ITGA9: variants seen among roughly 807,000 people sequenced by gnomAD.
ITGA9 encodes the protein integrin alpha-9.
In ITGA9, 56 loss-of-function variants were observed where a neutral mutation model predicts 127.8. That is an observed-to-expected ratio of 0.44 (90% CI 0.35 to 0.55). The LOEUF is 0.55. ITGA9 is among the 20% of genes least tolerant of loss of function. The pLI is 0.00. For missense variants in ITGA9, 1,196 were observed against 1,347.1 expected (o/e 0.89, Z 1.76); for synonymous variants, 508 against 514.5 (o/e 0.99, Z 0.17).
At chr3:37,678,307 C>T (rs1700702481) in intron 17 of ITGA9, among the ~76,000 whole-genome samples, 1 of 152,206 alleles carries the variant, frequency 6.6e-6, no homozygotes, top group Non-Finnish European at 1.5e-5. Flanking sequence ...ACAAGGGTTT[C>T]AATTTCTCCA....
chr3:37,789,605 CAA>C (rs71288090), intron 26 of ITGA9, among the ~76,000 whole-genome samples: 2 of 140,692 alleles, frequency 1.4e-5, no homozygotes, highest in Non-Finnish European at 3.1e-5. Flanking sequence ...TAAAAAATAC[CAA>C]AAAAAAAAAA....
chr3:37,783,646 T>C (rs1445814309), intron 25 of ITGA9, among the ~76,000 whole-genome samples: 1 of 152,174 alleles, frequency 6.6e-6, no homozygotes, highest in Non-Finnish European at 1.5e-5. Context: ...CCAAGATTAT[T>C]ATTATTATTC....
intron 18 of ITGA9, among the ~76,000 whole-genome samples, chr3:37,712,257 C>G (rs761130043): frequency 3.9e-5 from 6 of 152,186 alleles, no homozygotes; most frequent in Non-Finnish European, 8.8e-5. Flanking sequence ...ACAGAGGGTC[C>G]CACCTCAGTG....
intron 11 of ITGA9, among the ~76,000 whole-genome samples, chr3:37,519,812 C>T (rs574903959): frequency 5.9e-5 from 9 of 152,362 alleles, no homozygotes; most frequent in Admixed American, 1.3e-4. Flanking sequence ...TCTGCGCTTG[C>T]GCCCTATACT....
At chr3:37,552,436 A>G (rs1233308815) in intron 15 of ITGA9, among the ~76,000 whole-genome samples, 1 of 145,584 alleles carries the variant, frequency 6.9e-6, no homozygotes, top group South Asian at 2.1e-4. Flanking sequence ...TGTTAGAGAA[A>G]ATCATTATTT....
chr3:37,706,176 CAT>C (rs372246535), intron 18 of ITGA9, among the ~76,000 whole-genome samples: 24 of 152,320 alleles, frequency 1.6e-4, no homozygotes, highest in Admixed American at 1.1e-3. Context: ...CCCCTGCACA[CAT>C]GAGTCAGCTC....
chr3:37,454,708 T>A (rs925980255), intron 1 of ITGA9, among the ~76,000 whole-genome samples: 1 of 152,214 alleles, frequency 6.6e-6, no homozygotes, highest in Non-Finnish European at 1.5e-5. Flanking sequence ...CCCACCATAT[T>A]GACTTAATTT....
chr3:37,495,749 G>A (rs1698721430), intron 5 of ITGA9, among the ~76,000 whole-genome samples: 1 of 152,188 alleles, frequency 6.6e-6, no homozygotes, highest in African/African-American at 2.4e-5. Context: ...GTGTGATTCA[G>A]TGGCATTAGT....
At chr3:37,546,053 TTTCTC>T (rs1699323373) in intron 15 of ITGA9, among the ~76,000 whole-genome samples, 1 of 152,230 alleles carries the variant, frequency 6.6e-6, no homozygotes, top group African/African-American at 2.4e-5. Flanking sequence ...CTTTCATATT[TTTCTC>T]TTTAAATCAG....
chr3:37,492,885 T>C (rs1409390305), intron 4 of ITGA9, among the ~76,000 whole-genome samples: 1 of 152,254 alleles, frequency 6.6e-6, no homozygotes, highest in Non-Finnish European at 1.5e-5. Context: ...TGCTATTTGA[T>C]GCAGGATTTA....
At chr3:37,648,243 T>C (rs879035546) in intron 16 of ITGA9, among the ~76,000 whole-genome samples, 5 of 152,220 alleles carry the variant, frequency 3.3e-5, no homozygotes, top group Admixed American at 2.6e-4. Context: ...TGATATTTCA[T>C]TGTGACTTCG....
At chr3:37,790,411 G>C (rs542113932) in intron 26 of ITGA9, 35 of 463,130 alleles carry the variant, frequency 7.6e-5, no homozygotes, top group African/African-American at 6.8e-4. Flanking sequence ...CTCTCGGTTG[G>C]AATGCCTGAT....
chr3:37,520,221 G>A lies in ITGA9; in HGVS notation c.1236+867G>A, dbSNP rs148153948. Among the ~76,000 whole-genome samples the A allele has an allele frequency of 3.5e-3, 536 of 152,278 alleles. 5 individuals carry two copies. The highest frequency in any genetic ancestry group is 0.012 in the African/African-American group (510 of 41,556). On this transcript the variant is annotated intron_variant, in intron 11 of 27. Transcript: ENST00000264741. ...GTGGAGGGTTGGTTGGTTGTCATTC[G>A]TGCCTCAGATCCCCTCTCTACTGGC...
intron 17 of ITGA9, among the ~76,000 whole-genome samples, chr3:37,663,483 G>A (rs964232754): frequency 1.3e-5 from 2 of 152,178 alleles, no homozygotes; most frequent in African/African-American, 4.8e-5. Context: ...TACCATGGGG[G>A]TTGGGTGGTG....
In ITGA9 at chr3:37,746,773, G is replaced by A. The variant is rs187933860; in HGVS notation, c.2433+2739G>A. 2.2e-3 allele frequency among the ~76,000 whole-genome samples: 334 copies of A among 152,208 alleles called. 4 individuals are homozygous for A. The highest frequency in any genetic ancestry group is 7.8e-3 in the African/African-American group (324 of 41,538). ...TGAATATTGTTCTTTTTTGAATCAGGAGTTGGCAACCCACTCATCTGCTCT... is the reference window on the plus strand; with the variant it reads ...TGAATATTGTTCTTTTTTGAATCAGAAGTTGGCAACCCACTCATCTGCTCT... On this transcript the variant is annotated intron_variant, in intron 22 of 27. Coordinates refer to ENST00000264741, the MANE Select transcript of ITGA9 (RefSeq NM_002207.3).
intron 19 of ITGA9, 34 bp downstream of exon 19, chr3:37,732,832 C>T: frequency 1.3e-6 from 2 of 1,506,096 alleles, no homozygotes; most frequent in Non-Finnish European, 1.8e-6. Flanking sequence ...TCCTCAGCAG[C>T]AGGCCCCCAG....
At chr3:37,480,887 G>A (rs981559588) in intron 3 of ITGA9, among the ~76,000 whole-genome samples, 2 of 152,118 alleles carry the variant, frequency 1.3e-5, no homozygotes, top group Non-Finnish European at 2.9e-5. Context: ...GCAGCCAAAT[G>A]GTCTTTCCAA....
intron 8 of ITGA9, among the ~76,000 whole-genome samples, chr3:37,512,834 C>A (rs1167951617): frequency 6.6e-6 from 1 of 152,078 alleles, no homozygotes; most frequent in African/African-American, 2.4e-5. Context: ...GTTATGTAGA[C>A]AAGGAAGACA....
chr3:37,778,449 A>G (rs563623026), intron 24 of ITGA9, among the ~76,000 whole-genome samples: 177 of 152,068 alleles, frequency 1.2e-3, no homozygotes, highest in African/African-American at 4.2e-3. Context: ...GAAACCCTGT[A>G]TCTACTAAAA....
Sources: allele counts gnomAD v4.1 joint callset (sites outside exome capture counted in the v4.1 genomes callset), GRCh38; gene constraint gnomAD v4.1.1; transcripts MANE v1.5; gene names NCBI Gene and HGNC (gene_info 2026-07-23, HGNC 2026-07-21).